Variants in TINAG observed in about 807,000 individuals in gnomAD.
TINAG encodes tubulointerstitial nephritis antigen.
A neutral mutation model predicts 72.7 loss-of-function variants in TINAG; 83 were observed. The ratio of observed to expected loss-of-function variants is 1.14; its 90% confidence interval spans 0.96 to 1.37. The LOEUF (loss-of-function observed/expected upper bound fraction) is 1.37. Among genes scored for constraint, TINAG ranks in the 40% most tolerant of loss-of-function variants. The pLI, the probability that TINAG is intolerant of heterozygous loss-of-function variation, is 0.00. For synonymous variants in TINAG, 234 were observed against 189.9 expected, an observed-to-expected ratio of 1.23 and a Z score of -1.91; for missense variants, 685 against 576.6, an observed-to-expected ratio of 1.19 and a Z score of -1.93.
At chr6:54,327,172 T>C (rs1848440) in intron 4 of TINAG, 8 of 1,545,448 alleles carry the variant, frequency 5.2e-6, no homozygotes, top group Admixed American at 2.0e-5. Context: ...AGATGGCCGA[T>C]CAAGAACAGC....
intron 5 of TINAG, among the ~76,000 whole-genome samples, chr6:54,344,615 G>A (rs1337474817): frequency 6.6e-6 from 1 of 152,144 alleles, no homozygotes; most frequent in African/African-American, 2.4e-5. Context: ...TATTATGCCA[G>A]TATTTCTGAA....
chr6:54,362,893 G>A (rs116261864), intron 9 of TINAG, among the ~76,000 whole-genome samples: 2 of 151,520 alleles, frequency 1.3e-5, no homozygotes, highest in East Asian at 1.9e-4. Flanking sequence ...AGATGTGGTG[G>A]AAATAGAAAA....
chr6:54,349,398 C>T (rs1300673726), intron 6 of TINAG, among the ~76,000 whole-genome samples: 1 of 151,876 alleles, frequency 6.6e-6, no homozygotes, highest in Non-Finnish European at 1.5e-5. Context: ...TGAAGGGGTC[C>T]TTCCCCTATT....
intron 9 of TINAG, among the ~76,000 whole-genome samples, chr6:54,360,053 T>C (rs1314662458): frequency 6.6e-6 from 1 of 151,598 alleles, no homozygotes; most frequent in African/African-American, 2.4e-5. Flanking sequence ...AACTGGGAAA[T>C]ACAAGGAGGA....
rs140652001 is a variant in TINAG at position 54,326,850 on chromosome 6, T to C, written c.558T>C (p.Asp186=). ...AATTTTGGGGAATGACTTTAGAAGA[T>C]GGTTTTAAATTTCGCCTTGGCACTT... The part of the protein sequence containing the change: ...YSQFWGMTLE[D]GFKFRLGTLP... Residue 186 remains aspartate, a synonymous_variant, in exon 4 of 11, where the codon GAT becomes GAC. Coordinates refer to ENST00000259782, the MANE Select transcript of TINAG (RefSeq NM_014464.4). 2.7e-4 allele frequency: 443 copies of C among 1,613,028 alleles called. No homozygotes were observed. The highest frequency in any genetic ancestry group is 2.8e-4 in the Non-Finnish European group (329 of 1,179,740).
rs34700914 is a variant in TINAG, at chr6:54,308,623, T to C, written c.73T>C (p.Ser25Pro). ...AATCTGGATGGAGAAGCAGTATTTA[T>C]CTCAAAGAGAAGTGGACCTAGAGGC... ...TEIWMEKQYL[S>P]QREVDLEAYF... Residue 25 changes from serine (S) to proline (P), a missense_variant, in exon 1 of 11, where the codon TCT (serine) becomes CCT (proline). Physicochemically the swap from Ser to Pro is moderately conservative, Grantham distance 74. Coordinates refer to ENST00000259782, the MANE Select transcript of TINAG (RefSeq NM_014464.4). The C allele has an allele frequency of 1.9e-6, 3 of 1,613,780 alleles. No individual in the cohort carries two copies. The highest frequency in any genetic ancestry group is 2.5e-6 in the Non-Finnish European group (3 of 1,179,820).
intron 9 of TINAG, chr6:54,365,453 C>T (rs1763378124): frequency 6.6e-6 from 1 of 151,478 alleles, no homozygotes; most frequent in African/African-American, 2.4e-5. Flanking sequence ...GGTTTCAGGG[C>T]TTTGAAGCTC....
At chr6:54,315,464 T>G (rs1784350362) in intron 1 of TINAG, among the ~76,000 whole-genome samples, 2 of 151,208 alleles carry the variant, frequency 1.3e-5, no homozygotes, top group African/African-American at 4.9e-5. Flanking sequence ...CGGCCAAGAG[T>G]TTAAGACCAG....
chr6:54,390,036 C>A lies in TINAG; in HGVS notation c.*111C>A. On this transcript the variant is annotated 3_prime_UTR_variant, in exon 11 of 11. Transcript: ENST00000259782. ...AATCTTTGTCTCTTCACCGTGTTAA[C>A]ATAATCTATCTATTTTCTTATTTTC... The A allele has an allele frequency of 1.4e-6, 2 of 1,406,504 alleles. No individual in the cohort carries two copies. The highest frequency in any genetic ancestry group is 1.3e-5 in the South Asian group (1 of 76,080). The allele number at this position is 1,406,504 out of a possible 1,614,324, so 87.1% of individuals were successfully genotyped here.
In TINAG at chr6:54,354,639, A is replaced by G. The variant is rs745376365; in HGVS notation, c.1250+3A>G. 6 of 1,603,160 alleles carry G rather than the reference A, an allele frequency of 3.7e-6. No individual in the cohort carries two copies. The East Asian group carries it at 1.1e-4, about 30-fold the overall frequency. On this transcript the variant is annotated splice_donor_region_variant and intron_variant, in intron 9 of 10. Transcript: ENST00000259782. ...ACACATGCAGTCAAACTCACTGGGT[A>G]AGGCAATTAAACAAAATTCATTTAA...
Position 54,321,231 on chromosome 6 carries a change from C to T in TINAG, c.420-66C>T, listed in dbSNP as rs944488046. On this transcript the variant is annotated intron_variant, in intron 2 of 10. Transcript: ENST00000259782. ...TTTTATGCCTTAACAATGTATAACT[C>T]TTTTTACTAATTGAAATATACTTCA... The T allele has an allele frequency of 1.0e-5, 12 of 1,204,154 alleles. No individual in the cohort carries two copies. The African/African-American group carries it at 1.6e-4, about 17-fold the overall frequency. The allele number at this position is 1,204,154 out of a possible 1,614,324, so 74.6% of individuals were successfully genotyped here.
At chr6:54,325,127 C>T (rs1382043229) in intron 3 of TINAG, among the ~76,000 whole-genome samples, 1 of 152,206 alleles carries the variant, frequency 6.6e-6, no homozygotes. Context: ...CAAGGTCATT[C>T]TCATCCTTCC....
Position 54,349,727 on chromosome 6 carries a change from A to G in TINAG, c.911A>G (p.His304Arg), listed in dbSNP as rs765548171. The change falls in exon 7 of 11, where the codon CAC becomes CGC. Residue 304 changes from histidine (H) to arginine (R), a missense_variant. Coordinates refer to ENST00000259782, the MANE Select transcript of TINAG (RefSeq NM_014464.4). Reference protein sequence around the residue: ...WYLRKRGLVSHACYPLFKDQN... With the variant: ...WYLRKRGLVSRACYPLFKDQN... ...CTTATTCCTCATAGACTGGTATCCC[A>G]CGCATGCTACCCACTTTTCAAAGAC... is the stretch of plus-strand genomic sequence containing the variant. The G allele has an allele frequency of 6.3e-7, 1 of 1,575,440 alleles. No individual in the cohort carries two copies. The highest frequency in any genetic ancestry group is 2.3e-5 in the East Asian group (1 of 43,260).
intron 4 of TINAG, among the ~76,000 whole-genome samples, chr6:54,342,062 G>T (rs1270968235): frequency 6.8e-6 from 1 of 147,586 alleles, no homozygotes; most frequent in African/African-American, 2.6e-5. Flanking sequence ...AAATGATTGG[G>T]GTGTGTGTGT....
At chr6:54,336,435 C>T (rs1784867126) in intron 4 of TINAG, among the ~76,000 whole-genome samples, 1 of 151,988 alleles carries the variant, frequency 6.6e-6, no homozygotes, top group South Asian at 2.1e-4. Flanking sequence ...TTATATATTT[C>T]TGGTGAACTG....
rs753589879 is a variant in TINAG, at chr6:54,308,904, A to C, written c.354A>C (p.Glu118Asp). The C allele has an allele frequency of 3.1e-6, 5 of 1,601,198 alleles. No individual in the cohort carries two copies. The South Asian group carries it at 4.5e-5, about 14-fold the overall frequency. The change falls in exon 1 of 11, where the codon GAA becomes GAC. Residue 118 changes from glutamate (E) to aspartate (D), a missense_variant and splice_region_variant. By Grantham distance (45) the Glu-to-Asp change is conservative (BLOSUM62 2). Transcript: ENST00000259782. ...WPPHTQPWYP[E>D]GCFKDGQHYE... is the part of the protein sequence containing the mutation. ...CTCACACACAGCCTTGGTATCCAGA[A>C]GGTAGGCTTTGGGAATGTGTTTCAA...
chr6:54,327,202 C>G lies in TINAG; in HGVS notation c.624+286C>G, dbSNP rs147784988. 1.3e-6 allele frequency: 2 copies of G among 1,528,626 alleles called. 1 individual carries two copies. Among genetic ancestry groups the G allele is most frequent in the South Asian group, 2.4e-5 (2 of 82,440 alleles). The allele number at this position is 1,528,626 out of a possible 1,614,324, so 94.7% of individuals were successfully genotyped here. On this transcript the variant is annotated intron_variant, in intron 4 of 10. Transcript: ENST00000259782. ...AACAGCTCTGGTTGGCAGCTCCCAG[C>G]GAGACCAACGTAGAAGGTGGATGAT...
chr6:54,359,707 G>T (rs367614909), intron 9 of TINAG, among the ~76,000 whole-genome samples: 2 of 151,778 alleles, frequency 1.3e-5, no homozygotes, highest in African/African-American at 4.8e-5. Flanking sequence ...AGGCAAATTA[G>T]TTTTGGAAAA....
At chr6:54,313,660 G>T (rs1327833211) in intron 1 of TINAG, among the ~76,000 whole-genome samples, 2 of 152,128 alleles carry the variant, frequency 1.3e-5, no homozygotes, top group Non-Finnish European at 2.9e-5. Context: ...ATGGTGCCAT[G>T]AAGTGGGAGG....
Sources: allele counts gnomAD v4.1 joint callset (sites outside exome capture counted in the v4.1 genomes callset), GRCh38; gene constraint gnomAD v4.1.1; transcripts MANE v1.5; gene names NCBI Gene and HGNC (gene_info 2026-07-23, HGNC 2026-07-21).